The following SPOCK1 variants were observed in gnomAD, a reference collection of about 807,000 sequenced individuals.
SPOCK1 encodes the protein SPARC (osteonectin), cwcv and kazal like domains proteoglycan 1.
A neutral mutation model predicts 55.3 loss-of-function variants in SPOCK1; 23 were observed. The ratio of observed to expected loss-of-function variants is 0.42; its 90% confidence interval spans 0.30 to 0.59. The LOEUF (loss-of-function observed/expected upper bound fraction) is 0.59, where lower values mean the gene tolerates loss of function less well. Ranked by LOEUF, SPOCK1 falls within the 20% of genes least tolerant of loss-of-function variation. The pLI, the probability that SPOCK1 is intolerant of heterozygous loss-of-function variation, is 0.22. For missense variants in SPOCK1, 499 were observed against 552.5 expected (o/e 0.90, Z 0.97); for synonymous variants, 226 against 221.0 (o/e 1.02, Z -0.20).
intron 2 of SPOCK1, among the ~76,000 whole-genome samples, chr5:137,396,388 G>A (rs1051970735): frequency 2.0e-5 from 3 of 152,250 alleles, no homozygotes; most frequent in African/African-American, 7.2e-5. Flanking sequence ...ACATGAAGGT[G>A]TATTAAACCT....
intron 2 of SPOCK1, among the ~76,000 whole-genome samples, chr5:137,466,247 G>A (rs1027004327): frequency 6.6e-6 from 1 of 152,226 alleles, no homozygotes; most frequent in Non-Finnish European, 1.5e-5. Context: ...CACAAGTGGA[G>A]TGACTGACCA....
At chr5:137,485,550 G>C (rs374694269) in intron 2 of SPOCK1, among the ~76,000 whole-genome samples, 2 of 152,192 alleles carry the variant, frequency 1.3e-5, no homozygotes, top group Admixed American at 6.5e-5. Context: ...GTGACCAGTG[G>C]ATTGCCACAC....
intron 2 of SPOCK1, among the ~76,000 whole-genome samples, chr5:137,294,928 A>G (rs1467569256): frequency 6.6e-6 from 1 of 152,186 alleles, no homozygotes; most frequent in Non-Finnish European, 1.5e-5. Flanking sequence ...TTCACTAGCT[A>G]TTAAAAGAAG....
Position 136,978,166 on chromosome 5 carries a change from A to G in SPOCK1, c.*488T>C, listed in dbSNP as rs1580689635. 1 of 379,248 alleles carries G rather than the reference A, an allele frequency of 2.6e-6. No homozygotes were observed. The highest frequency in any genetic ancestry group is 3.7e-5 in the East Asian group (1 of 26,792). 23.5% of individuals were successfully genotyped at this position (379,248 alleles called of 1,614,324 possible). A position where few individuals can be genotyped will look rare whatever the true frequency, so the allele number is the denominator to read the frequency against. ...AATAATCACCGGCAGTAACGGGGGC[A>G]GGGGGAAAAAGTACAGTGTGGTGTA... is the stretch of plus-strand genomic sequence containing the variant. On this transcript the variant is annotated 3_prime_UTR_variant, in exon 11 of 11. Coordinates refer to ENST00000394945, the MANE Select transcript of SPOCK1 (RefSeq NM_004598.4).
rs1044572284 is a variant in SPOCK1 at position 137,481,774 on chromosome 5, G to A, written c.186+16599C>T. Among the ~76,000 whole-genome samples, 9 of 152,296 alleles carry A rather than the reference G, an allele frequency of 5.9e-5. No individual in the cohort carries two copies. In the East Asian group the frequency reaches 7.7e-4, roughly 13 times the overall value. On this transcript the variant is annotated intron_variant, in intron 2 of 10. Transcript: ENST00000394945. Reference sequence around the variant, plus strand: ...AAAGGATGGCGTCCTGCCAAGCTGCGGTAAGTGAGCAGGCTAAGGCTATGA... The same window carrying A: ...AAAGGATGGCGTCCTGCCAAGCTGCAGTAAGTGAGCAGGCTAAGGCTATGA...
chr5:137,359,468 TA>T (rs961023699), intron 2 of SPOCK1, among the ~76,000 whole-genome samples: 3 of 152,200 alleles, frequency 2.0e-5, no homozygotes, highest in African/African-American at 7.2e-5. Context: ...ATTATATCAA[TA>T]AAAATAATAG....
chr5:136,997,616 G>A (rs1010147183), intron 6 of SPOCK1, among the ~76,000 whole-genome samples: 13 of 152,088 alleles, frequency 8.5e-5, no homozygotes, highest in Non-Finnish European at 1.8e-4. Flanking sequence ...CAACCTTCAC[G>A]CTCTGGCCTT....
At chr5:137,062,911 C>T (rs1752420646) in intron 6 of SPOCK1, among the ~76,000 whole-genome samples, 1 of 152,152 alleles carries the variant, frequency 6.6e-6, no homozygotes, top group Admixed American at 6.5e-5. Context: ...GTCACCTGCC[C>T]TTGTCAGGAG....
intron 4 of SPOCK1, among the ~76,000 whole-genome samples, chr5:137,138,393 C>G (rs1029453002): frequency 1.3e-5 from 2 of 152,072 alleles, no homozygotes; most frequent in Admixed American, 1.3e-4. Flanking sequence ...AGGTCTCAAA[C>G]CGATTTGAGT....
chr5:137,040,322 C>A (rs1751970874), intron 6 of SPOCK1, among the ~76,000 whole-genome samples: 3 of 152,218 alleles, frequency 2.0e-5, no homozygotes, highest in Non-Finnish European at 4.4e-5. Context: ...CATCTGCTGC[C>A]AATCCACACT....
At chr5:137,007,888 C>T (rs1751280714) in intron 6 of SPOCK1, among the ~76,000 whole-genome samples, 1 of 152,006 alleles carries the variant, frequency 6.6e-6, no homozygotes, top group African/African-American at 2.4e-5. Flanking sequence ...TGGAACCAAC[C>T]CAAATGCCCA....
At chr5:137,311,315 G>C (rs1163048466) in intron 2 of SPOCK1, among the ~76,000 whole-genome samples, 1 of 152,176 alleles carries the variant, frequency 6.6e-6, no homozygotes, top group Admixed American at 6.5e-5. Flanking sequence ...TGAGGGGTGG[G>C]AAGGAGGGTG....
At chr5:137,082,298 CA>C (rs921426316) in intron 5 of SPOCK1, among the ~76,000 whole-genome samples, 1 of 152,146 alleles carries the variant, frequency 6.6e-6, no homozygotes, top group African/African-American at 2.4e-5. Context: ...TCTTGGTGTG[CA>C]CAGAAAGAAG....
At chr5:137,244,132 T>C (rs1480558041) in intron 3 of SPOCK1, among the ~76,000 whole-genome samples, 1 of 152,214 alleles carries the variant, frequency 6.6e-6, no homozygotes, top group East Asian at 1.9e-4. Flanking sequence ...TTTTGTATCA[T>C]GTGTAATAAA....
intron 2 of SPOCK1, among the ~76,000 whole-genome samples, chr5:137,375,787 C>T (rs1055192694): frequency 2.6e-5 from 4 of 152,110 alleles, no homozygotes; most frequent in African/African-American, 4.8e-5. Flanking sequence ...GCAACAGAAC[C>T]GGCTAATGGG....
At chr5:137,004,276 G>A (rs1751202750) in intron 6 of SPOCK1, among the ~76,000 whole-genome samples, 1 of 152,160 alleles carries the variant, frequency 6.6e-6, no homozygotes, top group South Asian at 2.1e-4. Context: ...AGCTGATGAA[G>A]GAGGAAGATA....
chr5:137,349,961 T>C (rs78458617), intron 2 of SPOCK1, among the ~76,000 whole-genome samples: 2 of 152,238 alleles, frequency 1.3e-5, no homozygotes, highest in East Asian at 3.9e-4. Flanking sequence ...ATTCAAGCCA[T>C]AGCGTGGAGG....
At position 137,023,960 on chromosome 5, in the gene SPOCK1, AT is replaced by A. The variant is rs34202986; in HGVS notation, c.590-31361del. Among the ~76,000 whole-genome samples the A allele has an allele frequency of 7.3e-3, 949 of 129,862 alleles. 6 individuals are homozygous for A. The highest frequency in any genetic ancestry group is 0.021 in the African/African-American group (727 of 35,160). The allele number at this position is 129,862 out of a possible 152,430, so 85.2% of individuals were successfully genotyped here. A position where few individuals can be genotyped will look rare whatever the true frequency, so the allele number is the denominator to read the frequency against. On this transcript the variant is annotated intron_variant, in intron 6 of 10. Coordinates refer to ENST00000394945, the MANE Select transcript of SPOCK1 (RefSeq NM_004598.4). Reference sequence around the variant, plus strand: ...TCTAATTAGCAAGTGTCAATATAGTATTTTTTTTTTTTTTTTTTGCTAACTT... The same window carrying A: ...TCTAATTAGCAAGTGTCAATATAGTATTTTTTTTTTTTTTTTTGCTAACTT...
At chr5:137,000,205 GC>G (rs1751123143) in intron 6 of SPOCK1, among the ~76,000 whole-genome samples, 1 of 152,158 alleles carries the variant, frequency 6.6e-6, no homozygotes, top group Non-Finnish European at 1.5e-5. Context: ...ATCTCCTTCA[GC>G]CCTCCTAGGT....
Sources: gnomAD v4.1 joint callset for allele counts (sites outside exome capture counted in the v4.1 genomes callset) on GRCh38, gnomAD v4.1.1 for gene constraint, MANE v1.5 for transcripts, NCBI Gene and HGNC (gene_info 2026-07-23, HGNC 2026-07-21) for gene names.